The following HOXD3 variants were observed in gnomAD, a reference collection of about 807,000 sequenced individuals.
The protein encoded by HOXD3 is homeobox D3.
In HOXD3, 13 loss-of-function variants were observed where a neutral mutation model predicts 32.8. The ratio of observed to expected loss-of-function variants is 0.40; its 90% CI spans 0.26 to 0.63. The LOEUF is 0.63. HOXD3 is among the 20% of genes least tolerant of loss of function. The pLI is 0.44. For missense variants in HOXD3, 504 were observed against 577.1 expected, an observed-to-expected ratio of 0.87 and a Z score of 1.30; for synonymous variants, 241 against 246.8, an observed-to-expected ratio of 0.98 and a Z score of 0.22.
upstream of HOXD3, chr2:176,152,949 G>A: frequency 6.2e-7 from 1 of 1,613,732 alleles, no homozygotes; most frequent in African/African-American, 1.3e-5. The surrounding 1 kb of genome is among the most constrained non-coding windows in gnomAD (Gnocchi z 5.2). Flanking sequence ...ATAGAAGTGG[G>A]GACCCTGGGC....
Position 176,159,270 on chromosome 2 carries a change from G to T in HOXD3, c.-181+1818G>T, listed in dbSNP as rs368882443. Among the ~76,000 whole-genome samples, 7 of 152,244 alleles carry T rather than the reference G, an allele frequency of 4.6e-5. No homozygotes were observed. The East Asian group carries it at 1.2e-3, about 25-fold the overall frequency. ...CTGGGGTCACCCACGATCCGGCTTC[G>T]AGAGACGCCCCGAGTGGGCCTCTGG... On this transcript the variant is annotated intron_variant, in intron 1 of 3. Coordinates refer to ENST00000683222, the MANE Select transcript of HOXD3 (RefSeq NM_006898.5).
chr2:176,162,714 G>A (rs1690847104), intron 1 of HOXD3, among the ~76,000 whole-genome samples: 4 of 152,076 alleles, frequency 2.6e-5, no homozygotes, highest in Admixed American at 2.0e-4. Flanking sequence ...GCGCACCCCG[G>A]AACCCCCAGG....
intron 1 of HOXD3, among the ~76,000 whole-genome samples, chr2:176,159,424 T>C (rs1406901177): frequency 6.6e-6 from 1 of 152,206 alleles, no homozygotes; most frequent in Non-Finnish European, 1.5e-5. Flanking sequence ...GGCTCTTCTA[T>C]GGCTGCTGGG....
At position 176,172,409 on chromosome 2, in the gene HOXD3, C is replaced by T; in HGVS notation, c.*135C>T. On this transcript the variant is annotated 3_prime_UTR_variant, in exon 4 of 4. Coordinates refer to ENST00000683222, the MANE Select transcript of HOXD3 (RefSeq NM_006898.5). ...CTGCCGCCGCCTCCCGGGTCTCAGG[C>T]CTCCAGCGGCGGAGGCGCAGGCGAC... 3.4e-6 allele frequency: 3 copies of T among 888,492 alleles called. No individual in the cohort carries two copies. Among genetic ancestry groups the T allele is most frequent in the Non-Finnish European group, 5.0e-6 (3 of 605,360 alleles). 55.0% of individuals were successfully genotyped at this position (888,492 alleles called of 1,614,324 possible). A position where few individuals can be genotyped will look rare whatever the true frequency, so the allele number is the denominator to read the frequency against.
At chr2:176,155,393 A>G (rs1690622916), upstream of HOXD3, among the ~76,000 whole-genome samples, 1 of 152,224 alleles carries the variant, frequency 6.6e-6, no homozygotes, top group Non-Finnish European at 1.5e-5. Flanking sequence ...ACATGTTTTC[A>G]TGAGGAAAAC....
At position 176,172,181 on chromosome 2, in the gene HOXD3, A is replaced by C; in HGVS notation, c.1206A>C (p.Gly402=). The C allele has an allele frequency of 6.2e-7, 1 of 1,612,942 alleles. No individual in the cohort carries two copies. Among genetic ancestry groups the C allele is most frequent in the Non-Finnish European group, 8.5e-7 (1 of 1,179,960 alleles). Residue 402 remains glycine (G), a synonymous_variant, in exon 4 of 4, where the codon GGA becomes GGC. Coordinates refer to ENST00000683222, the MANE Select transcript of HOXD3 (RefSeq NM_006898.5). The part of the protein sequence containing the change: ...AAQIPGNHHH[G]PCDPHPTYTD... ...AGATTCCAGGCAACCACCACCATGG[A>C]CCTTGCGACCCTCATCCCACCTACA...
upstream of HOXD3, among the ~76,000 whole-genome samples, chr2:176,156,480 C>T (rs1456070684): frequency 6.6e-6 from 1 of 152,200 alleles, no homozygotes; most frequent in Admixed American, 6.5e-5. Context: ...GTGGATGAGA[C>T]ACCTTACTGG....
intron 1 of HOXD3, among the ~76,000 whole-genome samples, chr2:176,158,779 T>G (rs527781728): frequency 1.3e-5 from 2 of 152,296 alleles, no homozygotes; most frequent in African/African-American, 4.8e-5. Context: ...TTCTCTGAGC[T>G]GCTTGCATTT....
At chr2:176,162,431 T>G (rs2105437421) in intron 1 of HOXD3, among the ~76,000 whole-genome samples, 1 of 152,326 alleles carries the variant, frequency 6.6e-6, no homozygotes, top group South Asian at 2.1e-4. Context: ...CAGCTCTTCC[T>G]TGACAGCTCA....
intron 1 of HOXD3, among the ~76,000 whole-genome samples, 193 bp downstream of exon 1, chr2:176,157,645 A>AGTGT (rs141052563): frequency 6.6e-6 from 1 of 150,474 alleles, no homozygotes; most frequent in Non-Finnish European, 1.5e-5. Flanking sequence ...AGAGCGGCCG[A>AGTGT]GTGTGTGTGT....
chr2:176,161,728 TG>T (rs1278096479), intron 1 of HOXD3, among the ~76,000 whole-genome samples: 1 of 152,238 alleles, frequency 6.6e-6, no homozygotes, highest in Non-Finnish European at 1.5e-5. Context: ...CAGAAGAGTT[TG>T]GGAGGTTCCT....
intron 3 of HOXD3, among the ~76,000 whole-genome samples, chr2:176,170,269 A>C (rs997249797): frequency 1.3e-5 from 2 of 152,214 alleles, no homozygotes; most frequent in African/African-American, 4.8e-5. Context: ...GCTGCTAAGC[A>C]TAACCATGAG....
chr2:176,161,627 T>C (rs1271140430), intron 1 of HOXD3, among the ~76,000 whole-genome samples: 1 of 152,146 alleles, frequency 6.6e-6, no homozygotes, highest in Non-Finnish European at 1.5e-5. Context: ...CACACAGCCT[T>C]TACCTCTTGC....
chr2:176,165,287 A>T (rs1690928318), intron 2 of HOXD3: 1 of 152,264 alleles, frequency 6.6e-6, no homozygotes, highest in Non-Finnish European at 1.5e-5. Flanking sequence ...GCTGCTTAAT[A>T]ACCCCGTCCC....
chr2:176,157,378 C>G lies in HOXD3; in HGVS notation c.-255C>G, dbSNP rs1041992619. ...AAGTGCAGGGATCCCAAGAATATCA[C>G]CCGTCCAGGGGGGCCGCGCGGTGCC... is the stretch of plus-strand genomic sequence containing the variant. On this transcript the variant is annotated 5_prime_UTR_variant, in exon 1 of 4. Transcript: ENST00000683222. Among the ~76,000 whole-genome samples, 4 of 152,142 alleles carry G rather than the reference C, an allele frequency of 2.6e-5. No individual in the cohort carries two copies. The highest frequency in any genetic ancestry group is 9.7e-5 in the African/African-American group (4 of 41,436).
chr2:176,157,214 C>G (rs979866458), upstream of HOXD3, among the ~76,000 whole-genome samples: 5 of 152,142 alleles, frequency 3.3e-5, no homozygotes, highest in Admixed American at 2.6e-4. Context: ...GGAGAATTTT[C>G]TAAGTGCGAG....
upstream of HOXD3, among the ~76,000 whole-genome samples, chr2:176,155,948 T>C (rs1379298325): frequency 1.3e-5 from 2 of 152,212 alleles, no homozygotes; most frequent in African/African-American, 2.4e-5. Flanking sequence ...TCACACGAGA[T>C]GCTTTTTTAA....
At chr2:176,160,740 G>C (rs1360294855) in intron 1 of HOXD3, among the ~76,000 whole-genome samples, 1 of 152,218 alleles carries the variant, frequency 6.6e-6, no homozygotes, top group Non-Finnish European at 1.5e-5. Context: ...GGGCCTGGGA[G>C]GGCTGGGCAG....
upstream of HOXD3, chr2:176,152,953 C>T: frequency 6.2e-7 from 1 of 1,612,962 alleles, no homozygotes; most frequent in Non-Finnish European, 8.5e-7. The surrounding 1 kb of genome is among the most constrained non-coding windows in gnomAD (Gnocchi z 5.2). Flanking sequence ...AAGTGGGGAC[C>T]CTGGGCCCAT....
Sources: gnomAD v4.1 joint callset for allele counts (sites outside exome capture counted in the v4.1 genomes callset) on GRCh38, gnomAD v4.1.1 for gene constraint, Gnocchi (gnomAD v3.1) non-coding constraint, MANE v1.5 for transcripts, NCBI Gene and HGNC (gene_info 2026-07-23, HGNC 2026-07-21) for gene names.